KCNH8: variants seen among roughly 807,000 people sequenced by gnomAD.
KCNH8 encodes potassium voltage-gated channel subfamily H member 8, also known as voltage-gated delayed rectifier potassium channel KCNH8.
Under a neutral mutation model 103.6 loss-of-function variants are expected in KCNH8, and 70 were observed. The observed-to-expected ratio is 0.68, with a 90% confidence interval of 0.56 to 0.82. The LOEUF is 0.82. KCNH8 is among the 40% of genes least tolerant of loss of function. KCNH8 has a pLI of 0.00. For synonymous variants in KCNH8, 498 were observed against 489.4 expected (o/e 1.02, Z -0.23); for missense variants, 1,217 against 1,329.9 (o/e 0.92, Z 1.32).
intron 3 of KCNH8, among the ~76,000 whole-genome samples, chr3:19,314,227 A>T (rs989054404): frequency 6.6e-6 from 1 of 151,938 alleles, no homozygotes; most frequent in Non-Finnish European, 1.5e-5. Flanking sequence ...TATGTAAAAG[A>T]TATGATAGTA....
At chr3:19,275,347 C>T (rs2064653516) in intron 2 of KCNH8, among the ~76,000 whole-genome samples, 1 of 152,014 alleles carries the variant, frequency 6.6e-6, no homozygotes, top group Non-Finnish European at 1.5e-5. Context: ...TTAGCCACCA[C>T]CCAGTTCAGG....
intron 1 of KCNH8, among the ~76,000 whole-genome samples, chr3:19,223,490 C>T (rs747213577): frequency 4.6e-5 from 7 of 151,998 alleles, no homozygotes; most frequent in East Asian, 1.9e-4. Flanking sequence ...ATCATTCCAA[C>T]GGTTTTCCTC....
intron 1 of KCNH8, among the ~76,000 whole-genome samples, chr3:19,163,559 A>G (rs2063254474): frequency 6.6e-6 from 1 of 152,120 alleles, no homozygotes; most frequent in South Asian, 2.1e-4. Flanking sequence ...CAAAAAGTAG[A>G]CTTTTAAAAT....
chr3:19,499,150 C>A (rs556166524), intron 11 of KCNH8, among the ~76,000 whole-genome samples: 9 of 152,134 alleles, frequency 5.9e-5, no homozygotes, highest in African/African-American at 2.2e-4. Context: ...AATGCAGAAG[C>A]CTCAGGAGCC....
intron 11 of KCNH8, among the ~76,000 whole-genome samples, chr3:19,491,990 C>G (rs963240508): frequency 1.2e-4 from 18 of 152,062 alleles, no homozygotes; most frequent in Non-Finnish European, 1.5e-5. Flanking sequence ...GGAATCTGTT[C>G]ATGTCTTTTG....
intron 5 of KCNH8, among the ~76,000 whole-genome samples, chr3:19,371,131 GGGAT>G (rs1162646352): frequency 2.6e-5 from 4 of 151,076 alleles, no homozygotes; most frequent in African/African-American, 9.7e-5. Flanking sequence ...ACCCAGTAAT[GGGAT>G]GGCTGGGTCA....
chr3:19,370,483 A>G (rs1399258284), intron 5 of KCNH8, among the ~76,000 whole-genome samples: 1 of 152,008 alleles, frequency 6.6e-6, no homozygotes, highest in African/African-American at 2.4e-5. Flanking sequence ...GACACATTTT[A>G]TTTTGTAAAT....
chr3:19,284,467 A>G (rs2064799825), intron 3 of KCNH8, among the ~76,000 whole-genome samples: 2 of 149,834 alleles, frequency 1.3e-5, no homozygotes, highest in African/African-American at 4.9e-5. Context: ...AATTCAAACT[A>G]CTATTTGTAT....
At chr3:19,497,290 T>C (rs2068463850) in intron 11 of KCNH8, among the ~76,000 whole-genome samples, 1 of 152,184 alleles carries the variant, frequency 6.6e-6, no homozygotes, top group Non-Finnish European at 1.5e-5. Context: ...CTGCTATCTT[T>C]GGGGTTGGTT....
At position 19,533,432 on chromosome 3, in the gene KCNH8, AAG is replaced by A; in HGVS notation, c.2659_2660del (p.Asp887HisfsTer64). 6.2e-7 allele frequency: 1 copy of A among 1,614,102 alleles called. No homozygotes were observed. The highest frequency in any genetic ancestry group is 8.5e-7 in the Non-Finnish European group (1 of 1,179,988). On this transcript the variant is annotated frameshift_variant, in exon 16 of 16. Transcript: ENST00000328405. LOFTEE classifies it high-confidence loss of function. ...ACTCAGGAAGTTTCTCAGTTGGGTA[AAG>A]ACATGAGAAATGTGATCCAGCTTCT...
At chr3:19,497,669 G>A (rs76668542) in intron 11 of KCNH8, among the ~76,000 whole-genome samples, 2,072 of 152,210 alleles carry the variant, frequency 0.014, 48 homozygotes, top group African/African-American at 0.046. Context: ...TTTTGTGGTT[G>A]ATTTTAGAAT....
intron 11 of KCNH8, among the ~76,000 whole-genome samples, chr3:19,461,999 C>G (rs2067640397): frequency 6.6e-6 from 1 of 152,152 alleles, no homozygotes; most frequent in South Asian, 2.1e-4. Flanking sequence ...GCATAGTATT[C>G]CATGGTGTAT....
intron 5 of KCNH8, among the ~76,000 whole-genome samples, chr3:19,385,493 A>AT (rs1331280340): frequency 6.6e-6 from 1 of 152,016 alleles, no homozygotes; most frequent in African/African-American, 2.4e-5. Context: ...TGTCAGCTTC[A>AT]TTTTTTCTTC....
chr3:19,240,718 A>G (rs995999687), intron 1 of KCNH8, among the ~76,000 whole-genome samples: 3 of 152,090 alleles, frequency 2.0e-5, no homozygotes, highest in African/African-American at 4.8e-5. Flanking sequence ...ATAAGACCAA[A>G]CTGTCAAAAT....
intron 1 of KCNH8, among the ~76,000 whole-genome samples, chr3:19,207,383 A>T (rs568745669): frequency 1.3e-3 from 194 of 152,140 alleles, no homozygotes; most frequent in Non-Finnish European, 2.3e-3. Flanking sequence ...CATAGTGTGT[A>T]TTCAAAAAAT....
At chr3:19,220,975 A>G (rs1048036401) in intron 1 of KCNH8, among the ~76,000 whole-genome samples, 9 of 152,152 alleles carry the variant, frequency 5.9e-5, no homozygotes, top group Non-Finnish European at 7.4e-5. Context: ...TGCCGCAATC[A>G]TTTTTGTTTG....
At chr3:19,422,523 C>T (rs1022979949) in intron 7 of KCNH8, among the ~76,000 whole-genome samples, 3 of 152,010 alleles carry the variant, frequency 2.0e-5, no homozygotes, top group African/African-American at 4.8e-5. Context: ...GCTGAAAAAG[C>T]TGAAACTTAG....
At chr3:19,229,521 T>C (rs571567503) in intron 1 of KCNH8, among the ~76,000 whole-genome samples, 2 of 152,284 alleles carry the variant, frequency 1.3e-5, no homozygotes, top group Non-Finnish European at 2.9e-5. Context: ...CTACATTGGC[T>C]CCTTTCAGCC....
intron 6 of KCNH8, among the ~76,000 whole-genome samples, chr3:19,393,824 G>A (rs2066473964): frequency 6.6e-6 from 1 of 151,984 alleles, no homozygotes; most frequent in South Asian, 2.1e-4. Flanking sequence ...ATTTGATATA[G>A]AATAATTCAC....
Sources: allele counts gnomAD v4.1 joint callset (sites outside exome capture counted in the v4.1 genomes callset), GRCh38; gene constraint gnomAD v4.1.1; transcripts MANE v1.5; gene names NCBI Gene and HGNC (gene_info 2026-07-23, HGNC 2026-07-21).